Variants in GFRA2 observed in about 807,000 individuals in gnomAD.
GFRA2 encodes GDNF family receptor alpha-2.
GFRA2 carries 17 observed loss-of-function variants against 48.3 expected under a neutral mutation model. The ratio of observed to expected loss-of-function variants is 0.35; its 90% CI spans 0.24 to 0.53. The LOEUF is 0.53. GFRA2 is among the 20% of genes least tolerant of loss of function. The pLI, the probability that GFRA2 is intolerant of heterozygous loss-of-function variation, is 0.93. For synonymous variants in GFRA2, 305 were observed against 257.2 expected (o/e 1.19, Z -1.78); for missense variants, 660 against 637.3 (o/e 1.04, Z -0.38).
chr8:21,788,833 C>T lies in GFRA2; in HGVS notation c.-674G>A, dbSNP rs1426998483. ...CTTTCTCTCTCCTCTCTCTCTCTCT[C>T]CTCTCCCTCGCTCGCTCTTTGCTCT... On this transcript the variant is annotated 5_prime_UTR_variant, in exon 1 of 9. Transcript: ENST00000524240. The T allele has an allele frequency of 1.0e-6, 1 of 968,122 alleles. No individual in the cohort carries two copies. Among genetic ancestry groups the T allele is most frequent in the Non-Finnish European group, 1.2e-6 (1 of 814,116 alleles). The allele number at this position is 968,122 out of a possible 1,614,324, so 60.0% of individuals were successfully genotyped here.
upstream of GFRA2, among the ~76,000 whole-genome samples, chr8:21,790,439 G>T (rs1807540851): frequency 6.6e-6 from 1 of 152,206 alleles, no homozygotes; most frequent in South Asian, 2.1e-4. Flanking sequence ...GCTAGAAATC[G>T]ACTTGGACGA....
chr8:21,714,847 T>G (rs1030381866), intron 4 of GFRA2, among the ~76,000 whole-genome samples: 3 of 152,062 alleles, frequency 2.0e-5, no homozygotes, highest in African/African-American at 7.2e-5. Flanking sequence ...CACAAAGGAA[T>G]GGGGCACTTG....
At chr8:21,698,709 T>C (rs894888898) in intron 7 of GFRA2, among the ~76,000 whole-genome samples, 35 of 151,762 alleles carry the variant, frequency 2.3e-4, no homozygotes, top group African/African-American at 7.7e-4. Flanking sequence ...AGGGTGTGGT[T>C]GTGAAGTGTG....
chr8:21,784,562 C>T (rs1400909812), intron 1 of GFRA2, among the ~76,000 whole-genome samples: 1 of 152,174 alleles, frequency 6.6e-6, no homozygotes, highest in Admixed American at 6.5e-5. Context: ...GCCTTCGCTC[C>T]CGAGAGCCCC....
At chr8:21,732,274 A>C (rs1804236886) in intron 4 of GFRA2, among the ~76,000 whole-genome samples, 1 of 152,238 alleles carries the variant, frequency 6.6e-6, no homozygotes, top group East Asian at 1.9e-4. Flanking sequence ...TGTGTCTGTC[A>C]CTAAGAAGAG....
At chr8:21,706,100 T>A in intron 4 of GFRA2, 59 bp from the exon 5 acceptor site, 2 of 1,107,326 alleles carry the variant, frequency 1.8e-6, no homozygotes, top group Non-Finnish European at 2.7e-6. Flanking sequence ...CTGCCTTCTG[T>A]CTCCTCTGTC....
At chr8:21,695,053 G>T (rs1802089728) in intron 7 of GFRA2, among the ~76,000 whole-genome samples, 1 of 152,212 alleles carries the variant, frequency 6.6e-6, no homozygotes, top group African/African-American at 2.4e-5. Flanking sequence ...AGGCATGATT[G>T]ATTAGTGATG....
At chr8:21,698,324 G>A (rs912313501) in intron 7 of GFRA2, among the ~76,000 whole-genome samples, 30 of 152,186 alleles carry the variant, frequency 2.0e-4, no homozygotes, top group African/African-American at 6.8e-4. Context: ...GGGGAAGGAC[G>A]CAGAAAGAAG....
At chr8:21,709,717 G>A (rs1802923494) in intron 4 of GFRA2, among the ~76,000 whole-genome samples, 1 of 152,152 alleles carries the variant, frequency 6.6e-6, no homozygotes, top group Non-Finnish European at 1.5e-5. Context: ...GAGCCTCCCA[G>A]GCAATGCCAG....
intron 4 of GFRA2, among the ~76,000 whole-genome samples, chr8:21,748,432 T>C (rs894396391): frequency 5.3e-5 from 8 of 151,404 alleles, no homozygotes; most frequent in South Asian, 2.1e-4. Context: ...AAAACAGAAA[T>C]AGTTCTCGCC....
intron 4 of GFRA2, among the ~76,000 whole-genome samples, chr8:21,717,751 C>T (rs1803403408): frequency 6.6e-6 from 1 of 152,184 alleles, no homozygotes; most frequent in Non-Finnish European, 1.5e-5. Context: ...GCTCCAGATC[C>T]TAGGAACTTG....
At chr8:21,790,981 T>G (rs1173550540), upstream of GFRA2, among the ~76,000 whole-genome samples, 1 of 152,072 alleles carries the variant, frequency 6.6e-6, no homozygotes, top group Non-Finnish European at 1.5e-5. Context: ...CTCCTCGACT[T>G]CCAGGGTCTT....
At chr8:21,784,599 G>C (rs796855313) in intron 1 of GFRA2, among the ~76,000 whole-genome samples, 1 of 152,118 alleles carries the variant, frequency 6.6e-6, no homozygotes, top group Admixed American at 6.5e-5. Context: ...ATCCACTCCC[G>C]GTGGGACCAG....
At chr8:21,784,172 G>C (rs1333581582) in intron 1 of GFRA2, 1 of 397,804 alleles carries the variant, frequency 2.5e-6, no homozygotes, top group East Asian at 7.5e-5. Context: ...GTAGGTGAAC[G>C]GCAGGGACAG....
intron 4 of GFRA2, among the ~76,000 whole-genome samples, chr8:21,710,436 T>A (rs1052029977): frequency 6.6e-6 from 1 of 152,130 alleles, no homozygotes; most frequent in Non-Finnish European, 1.5e-5. Context: ...TGGATCTCGG[T>A]CCCACACAGG....
intron 3 of GFRA2, among the ~76,000 whole-genome samples, chr8:21,760,046 A>G (rs1585309281): frequency 6.6e-6 from 1 of 152,318 alleles, no homozygotes; most frequent in African/African-American, 2.4e-5. Flanking sequence ...AAGGAGGAGC[A>G]AGCACAAAGG....
chr8:21,788,077 G>C, intron 1 of GFRA2, 43 bp downstream of exon 1: 1 of 703,994 alleles, frequency 1.4e-6, no homozygotes. Flanking sequence ...CGCCTCCCCG[G>C]CTTCTCGCCT....
chr8:21,697,130 G>T (rs1802239223), intron 7 of GFRA2, among the ~76,000 whole-genome samples: 1 of 148,358 alleles, frequency 6.7e-6, no homozygotes, highest in Non-Finnish European at 1.5e-5. Context: ...GGAGAGAAGG[G>T]GGAGGGGACA....
At chr8:21,783,086 T>G in intron 1 of GFRA2, 187 bp from the exon 2 acceptor site, 1 of 708,742 alleles carries the variant, frequency 1.4e-6, no homozygotes, top group South Asian at 1.5e-5. Flanking sequence ...CTCCCCTGGA[T>G]GTAGGAGCAA....
Sources: allele counts gnomAD v4.1 joint callset (sites outside exome capture counted in the v4.1 genomes callset), GRCh38; gene constraint gnomAD v4.1.1; transcripts MANE v1.5; gene names NCBI Gene and HGNC (gene_info 2026-07-23, HGNC 2026-07-21).